FMN2: variants seen among roughly 807,000 people sequenced by gnomAD.
The protein encoded by FMN2 is formin-2.
Under a neutral mutation model 142.3 loss-of-function variants are expected in FMN2, and 51 were observed. The ratio of observed to expected loss-of-function variants is 0.36; its 90% CI spans 0.29 to 0.45. The LOEUF (loss-of-function observed/expected upper bound fraction) is 0.45, where lower values mean the gene tolerates loss of function less well. Ranked by LOEUF, FMN2 falls within the 20% of genes least tolerant of loss-of-function variation. The pLI is 1.00. For missense variants in FMN2, 1,936 were observed against 2,122.8 expected (o/e 0.91, Z 1.73); for synonymous variants, 882 against 869.8 (o/e 1.01, Z -0.25).
intron 13 of FMN2, among the ~76,000 whole-genome samples, chr1:240,355,214 G>T (rs991200403): frequency 6.6e-6 from 1 of 151,942 alleles, no homozygotes; most frequent in Non-Finnish European, 1.5e-5. Flanking sequence ...CTACTTTATG[G>T]GCTTCATTCT....
At chr1:240,168,952 C>T (rs182446907) in intron 2 of FMN2, among the ~76,000 whole-genome samples, 2 of 152,160 alleles carry the variant, frequency 1.3e-5, no homozygotes, top group Admixed American at 1.3e-4. Flanking sequence ...GTGGCTCATG[C>T]CTGTAATCCC....
At chr1:240,348,331 C>T (rs569464112) in intron 13 of FMN2, among the ~76,000 whole-genome samples, 4 of 151,542 alleles carry the variant, frequency 2.6e-5, no homozygotes, top group Non-Finnish European at 5.9e-5. Context: ...AAGTGATTCT[C>T]GTGACTCAGC....
At chr1:240,169,366 C>A (rs933366595) in intron 2 of FMN2, among the ~76,000 whole-genome samples, 9 of 152,170 alleles carry the variant, frequency 5.9e-5, no homozygotes, top group African/African-American at 1.7e-4. Context: ...TGAGGCAATT[C>A]TTTTTGAGGT....
chr1:240,295,114 C>A (rs555858882), intron 8 of FMN2, among the ~76,000 whole-genome samples: 1 of 151,732 alleles, frequency 6.6e-6, no homozygotes, highest in Non-Finnish European at 1.5e-5. Context: ...TGAGGTCATT[C>A]ATTATTTTTT....
chr1:240,416,783 T>A (rs1007617997), intron 15 of FMN2, among the ~76,000 whole-genome samples: 4 of 151,996 alleles, frequency 2.6e-5, no homozygotes, highest in Admixed American at 2.0e-4. Flanking sequence ...GTTGTTTTTT[T>A]AATTGGCTTT....
chr1:240,208,663 A>G lies in FMN2; in HGVS notation c.3851A>G (p.Lys1284Arg), dbSNP rs578174204. The change falls in exon 5 of 18, where the codon AAG (lysine) becomes AGG (arginine). Residue 1284 changes from lysine (K) to arginine (R), a missense_variant. Coordinates refer to ENST00000319653, the MANE Select transcript of FMN2 (RefSeq NM_020066.5). ...ATGAATCAGGACAAAGGGAGTAGGA[A>G]GCAGCCCATAGAGCCTTGTCGACCA... ...LGMNQDKGSR[K>R]QPIEPCRPMK... 90 of 1,613,910 alleles carry G rather than the reference A, an allele frequency of 5.6e-5. 1 individual carries two copies. In the East Asian group the frequency reaches 7.1e-4, roughly 13 times the overall value.
At chr1:240,305,634 T>A (rs1670361106) in intron 8 of FMN2, among the ~76,000 whole-genome samples, 1 of 152,224 alleles carries the variant, frequency 6.6e-6, no homozygotes, top group African/African-American at 2.4e-5. Context: ...TTACGTGGTT[T>A]GGAAAATGCT....
At chr1:240,259,652 G>A (rs1253341443) in intron 7 of FMN2, among the ~76,000 whole-genome samples, 1 of 151,980 alleles carries the variant, frequency 6.6e-6, no homozygotes, top group East Asian at 1.9e-4. Context: ...CTTCTCTCAG[G>A]ATATGCCTCC....
At chr1:240,261,181 A>G (rs1668613950) in intron 7 of FMN2, among the ~76,000 whole-genome samples, 1 of 152,168 alleles carries the variant, frequency 6.6e-6, no homozygotes, top group South Asian at 2.1e-4. Context: ...GAAGTCAGAT[A>G]ATGTGATGCT....
At chr1:240,322,797 A>C (rs924553620) in intron 8 of FMN2, among the ~76,000 whole-genome samples, 6 of 152,108 alleles carry the variant, frequency 3.9e-5, no homozygotes, top group Non-Finnish European at 5.9e-5. Context: ...ACGTTCCTGG[A>C]AAAGAGTGAA....
intron 16 of FMN2, among the ~76,000 whole-genome samples, chr1:240,448,224 T>A (rs1675892667): frequency 6.6e-6 from 1 of 152,162 alleles, no homozygotes; most frequent in African/African-American, 2.4e-5. Flanking sequence ...AAAAAGACCA[T>A]CATCAACTTA....
intron 2 of FMN2, chr1:240,144,406 T>C: frequency 6.2e-7 from 1 of 1,605,480 alleles, no homozygotes; most frequent in Non-Finnish European, 8.5e-7. Context: ...TGTTGAGCTG[T>C]ACATTGGACA....
chr1:240,094,227 G>C (rs1661120369), intron 1 of FMN2, among the ~76,000 whole-genome samples: 1 of 152,184 alleles, frequency 6.6e-6, no homozygotes, highest in African/African-American at 2.4e-5. Flanking sequence ...GTCCACGTTT[G>C]GTATGTATGT....
chr1:240,169,489 G>A (rs1405062225), intron 2 of FMN2, among the ~76,000 whole-genome samples: 8 of 152,096 alleles, frequency 5.3e-5, no homozygotes, highest in Non-Finnish European at 1.0e-4. Flanking sequence ...TTTTTGAGAC[G>A]GTTTCACTGT....
chr1:240,394,211 G>T (rs1673699395), intron 15 of FMN2, among the ~76,000 whole-genome samples: 1 of 152,110 alleles, frequency 6.6e-6, no homozygotes, highest in African/African-American at 2.4e-5. Context: ...CCTGATGGTT[G>T]GTTTCTGGAG....
At chr1:240,352,822 A>G (rs1314980240) in intron 13 of FMN2, among the ~76,000 whole-genome samples, 1 of 152,234 alleles carries the variant, frequency 6.6e-6, no homozygotes, top group Admixed American at 6.5e-5. Context: ...TAAAGAGCAG[A>G]ATTTCCAGCC....
intron 15 of FMN2, among the ~76,000 whole-genome samples, chr1:240,417,135 A>C (rs968215791): frequency 1.4e-5 from 2 of 146,846 alleles, no homozygotes; most frequent in Non-Finnish European, 3.0e-5. Context: ...ATTGTATTAC[A>C]CTTAGTTTGG....
intron 16 of FMN2, among the ~76,000 whole-genome samples, chr1:240,453,995 C>CAAA (rs529425273): frequency 8.0e-4 from 6 of 7,466 alleles, no homozygotes; most frequent in Admixed American, 1.7e-3. Flanking sequence ...GACTCTGCCT[C>CAAA]AAAAAAAAAA....
At chr1:240,425,499 A>G (rs762851131) in intron 15 of FMN2, among the ~76,000 whole-genome samples, 17 of 151,978 alleles carry the variant, frequency 1.1e-4, no homozygotes, top group Non-Finnish European at 2.4e-4. Context: ...CTTTTTTTCT[A>G]TACTCAGAAT....
Sources: gnomAD v4.1 joint callset for allele counts (sites outside exome capture counted in the v4.1 genomes callset) on GRCh38, gnomAD v4.1.1 for gene constraint, MANE v1.5 for transcripts, NCBI Gene and HGNC (gene_info 2026-07-23, HGNC 2026-07-21) for gene names.